SEPTIN8: variants seen among roughly 807,000 people sequenced by gnomAD.
The protein encoded by SEPTIN8 is septin-8.
A neutral mutation model predicts 53.1 loss-of-function variants in SEPTIN8; 22 were observed. The observed-to-expected ratio is 0.41, with a 90% confidence interval of 0.30 to 0.59. SEPTIN8 has a LOEUF of 0.59. Among genes scored for constraint, SEPTIN8 ranks in the 20% least tolerant of loss-of-function variants. SEPTIN8 has a pLI of 0.24. For synonymous variants in SEPTIN8, 228 were observed against 248.4 expected (o/e 0.92, Z 0.77); for missense variants, 536 against 638.7 (o/e 0.84, Z 1.73).
In SEPTIN8 at chr5:132,773,476, C is replaced by G. The variant is rs964230909; in HGVS notation, c.30+3632G>C. On this transcript the variant is annotated intron_variant, in intron 1 of 9. Transcript: ENST00000378719. The surrounding 1 kb of genome is among the most constrained non-coding windows in gnomAD (Gnocchi z 4.2). ...ATATAATATATGCTTCCACCTAGCC[C>G]ATCCGAGGGCTCAAAACGCCAAGGT... 2.4e-4 allele frequency among the ~76,000 whole-genome samples: 36 copies of G among 152,322 alleles called. No homozygotes were observed. Among genetic ancestry groups the G allele is most frequent in the African/African-American group, 8.2e-4 (34 of 41,570 alleles).
chr5:132,761,486 C>T lies in SEPTIN8; in HGVS notation c.934G>A (p.Asp312Asn), dbSNP rs1230888844. ...AAGGGCTGGCTGTCACCATCGCTGT[C>T]CTGAAAGCCCATCTCCTCCAACTTG... ...RCKLEEMGFQ[D>N]SDGDSQPFSL... The change falls in exon 7 of 10, where the codon GAC becomes AAC. Residue 312 changes from aspartate to asparagine, a missense_variant. This residue lies in a region of SEPTIN8 where 395 missense variants were observed against 451.8 expected (regional missense o/e 0.87). Coordinates refer to ENST00000378719, the MANE Select transcript of SEPTIN8 (RefSeq NM_001098811.2). The surrounding 1 kb of genome is among the most constrained non-coding windows in gnomAD (Gnocchi z 5.8). The T allele has an allele frequency of 6.2e-7, 1 of 1,613,064 alleles. No individual in the cohort carries two copies. Among genetic ancestry groups the T allele is most frequent in the African/African-American group, 1.3e-5 (1 of 75,012 alleles).
chr5:132,765,488 A>G lies in SEPTIN8; in HGVS notation c.72T>C (p.His24=), dbSNP rs751167340. The stretch of plus-strand genomic sequence containing the variant: ...GGTCGGGGAGGCTGTCGAAACCCAC[A>G]TGGCCGCCCAGGGAGAGGCTCCGGG... ...PEPRSLSLGG[H]VGFDSLPDQL... Residue 24 remains histidine (H), a synonymous_variant, in exon 2 of 10, where the codon CAT becomes CAC. Transcript: ENST00000378719. 1.1e-5 allele frequency: 18 copies of G among 1,612,030 alleles called. No individual in the cohort carries two copies. The East Asian group carries it at 1.6e-4, about 14-fold the overall frequency.
In SEPTIN8 at chr5:132,768,107, C is replaced by T. The variant is rs566699210; in HGVS notation, c.31-2578G>A. ...CTGGGGGTTCTTGGGGTGGGTCTCA[C>T]ATAAACCACCTATCCACACACAGCA... On this transcript the variant is annotated intron_variant, in intron 1 of 9. Coordinates refer to ENST00000378719, the MANE Select transcript of SEPTIN8 (RefSeq NM_001098811.2). 1.8e-3 allele frequency among the ~76,000 whole-genome samples: 278 copies of T among 152,120 alleles called. 1 individual carries two copies. The highest frequency in any genetic ancestry group is 6.5e-3 in the African/African-American group (269 of 41,494).
rs1160568187 is a variant in SEPTIN8 at position 132,763,863 on chromosome 5, G to C, written c.377C>G (p.Ala126Gly). The part of the protein sequence containing the change: ...SYRPIVDYID[A>G]QFENYLQEEL... ...CTCCTGCAGATAATTTTCAAACTGC[G>C]CATCGATGTAGTCAACTATGGGCCT... The change falls in exon 4 of 10, where the codon GCG (alanine) becomes GGG (glycine). Residue 126 changes from alanine (A) to glycine (G), a missense_variant. Ala to Gly is a moderately conservative substitution (Grantham distance 60). This residue lies in a region of SEPTIN8 where 395 missense variants were observed against 451.8 expected (regional missense o/e 0.87). Transcript: ENST00000378719. The C allele has an allele frequency of 3.8e-6, 6 of 1,594,276 alleles. No homozygotes were observed. The highest frequency in any genetic ancestry group is 5.1e-6 in the Non-Finnish European group (6 of 1,169,734).
upstream of SEPTIN8, chr5:132,777,495 C>T (rs892313352): frequency 1.0e-6 from 1 of 969,130 alleles, no homozygotes. The surrounding 1 kb of genome is among the most constrained non-coding windows in gnomAD (Gnocchi z 4.1). Context: ...GGGCTGGTGC[C>T]CGGCGGGCCT....
rs1461849770 is a variant in SEPTIN8 at position 132,751,043 on chromosome 5, C to A, written c.*973G>T. 2 of 1,599,722 alleles carry A rather than the reference C, an allele frequency of 1.3e-6. No homozygotes were observed. Among genetic ancestry groups the A allele is most frequent in the Non-Finnish European group, 8.5e-7 (1 of 1,173,650 alleles). On this transcript the variant is annotated 3_prime_UTR_variant, in exon 10 of 10. Coordinates refer to ENST00000378719, the MANE Select transcript of SEPTIN8 (RefSeq NM_001098811.2). Reference sequence around the variant, plus strand: ...AGAGTCTACCCTAAACTCGTTTGTGCCTTTGGAACAGCTGTTTACAACATG... The same window carrying A: ...AGAGTCTACCCTAAACTCGTTTGTGACTTTGGAACAGCTGTTTACAACATG...
chr5:132,767,065 C>A (rs529906224), intron 1 of SEPTIN8, among the ~76,000 whole-genome samples: 9 of 152,304 alleles, frequency 5.9e-5, no homozygotes, highest in African/African-American at 2.2e-4. Context: ...CCTAAACCTG[C>A]TTTCTCCCAT....
Position 132,762,841 on chromosome 5 carries a change from A to C in SEPTIN8, c.535-196T>G, listed in dbSNP as rs147193221. ...CCTGTGGCCATTCTGATGAGTTTCA[A>C]CAATTGGCTGCAGTGCTTCTTACAG... On this transcript the variant is annotated intron_variant, in intron 4 of 9. Coordinates refer to ENST00000378719, the MANE Select transcript of SEPTIN8 (RefSeq NM_001098811.2). Among the ~76,000 whole-genome samples, 39 of 152,310 alleles carry C rather than the reference A, an allele frequency of 2.6e-4. No homozygotes were observed. The East Asian group carries it at 7.5e-3, about 29-fold the overall frequency.
rs1754780576 is a variant in SEPTIN8 at position 132,750,840 on chromosome 5, T to C, written c.*1176A>G. The C allele has an allele frequency of 2.5e-6, 4 of 1,612,142 alleles. No homozygotes were observed. The highest frequency in any genetic ancestry group is 3.4e-6 in the Non-Finnish European group (4 of 1,179,502). On this transcript the variant is annotated 3_prime_UTR_variant, in exon 10 of 10. Transcript: ENST00000378719. ...GACATGATGTAGGGCTTTGGCCTCT[T>C]TATTTTCTTTTTACAGTTTATTCCA...
At chr5:132,752,267 G>A (rs1754911262) in intron 9 of SEPTIN8, 86 bp from the exon 10 acceptor site, 1 of 1,482,166 alleles carries the variant, frequency 6.7e-7, no homozygotes, top group Non-Finnish European at 9.0e-7. Context: ...TGACCCCAAA[G>A]GGGTACCCTT....
chr5:132,761,342 T>C lies in SEPTIN8; in HGVS notation c.963-77A>G, dbSNP rs1581155485. 6.3e-7 allele frequency: 1 copy of C among 1,598,734 alleles called. No individual in the cohort carries two copies. Among genetic ancestry groups the C allele is most frequent in the African/African-American group, 1.3e-5 (1 of 74,554 alleles). On this transcript the variant is annotated intron_variant, in intron 7 of 9. Coordinates refer to ENST00000378719, the MANE Select transcript of SEPTIN8 (RefSeq NM_001098811.2). The surrounding 1 kb of genome is among the most constrained non-coding windows in gnomAD (Gnocchi z 5.8). Reference sequence around the variant, plus strand: ...ATAGGGCAGGGCAGAGCCAGAGAAGTAGAATCATGTGGGCACGAGGGGTAA... The same window carrying C: ...ATAGGGCAGGGCAGAGCCAGAGAAGCAGAATCATGTGGGCACGAGGGGTAA...
At chr5:132,766,659 A>G (rs1330443209) in intron 1 of SEPTIN8, among the ~76,000 whole-genome samples, 1 of 152,192 alleles carries the variant, frequency 6.6e-6, no homozygotes, top group African/African-American at 2.4e-5. Context: ...CAGCGGATTC[A>G]GAGTCTCTCC....
chr5:132,763,141 G>A (rs894587981), intron 4 of SEPTIN8, among the ~76,000 whole-genome samples: 1 of 152,180 alleles, frequency 6.6e-6, no homozygotes, highest in African/African-American at 2.4e-5. Flanking sequence ...CAAGGGATGT[G>A]GGGTCACATG....
chr5:132,768,468 A>G (rs1489396203), intron 1 of SEPTIN8, among the ~76,000 whole-genome samples: 1 of 152,192 alleles, frequency 6.6e-6, no homozygotes, highest in African/African-American at 2.4e-5. Flanking sequence ...TGGCATCGAC[A>G]TGTGATCTAA....
intron 1 of SEPTIN8, among the ~76,000 whole-genome samples, chr5:132,771,908 G>A (rs1163577032): frequency 6.6e-6 from 1 of 152,068 alleles, no homozygotes; most frequent in East Asian, 1.9e-4. Context: ...GCTGCTACCC[G>A]GGGCCAGGAA....
chr5:132,751,706 G>A lies in SEPTIN8; in HGVS notation c.*310C>T, dbSNP rs1220974702. The A allele has an allele frequency of 1.8e-6, 1 of 548,086 alleles. No individual in the cohort carries two copies. Among genetic ancestry groups the A allele is most frequent in the East Asian group, 3.0e-5 (1 of 32,888 alleles). The allele number at this position is 548,086 out of a possible 1,614,324, so 34.0% of individuals were successfully genotyped here. Reference sequence around the variant, plus strand: ...TTCTATTTTTCAGAATGGAAACATTGTCATCTAGGTACTTTCCGCTCATAA... The same window carrying A: ...TTCTATTTTTCAGAATGGAAACATTATCATCTAGGTACTTTCCGCTCATAA... On this transcript the variant is annotated 3_prime_UTR_variant, in exon 10 of 10. Coordinates refer to ENST00000378719, the MANE Select transcript of SEPTIN8 (RefSeq NM_001098811.2).
At chr5:132,779,034 C>A (rs750585563), upstream of SEPTIN8, among the ~76,000 whole-genome samples, 12 of 152,208 alleles carry the variant, frequency 7.9e-5, no homozygotes, top group Non-Finnish European at 1.5e-4. Flanking sequence ...GTACTTCTTA[C>A]AGTCCTGGCC....
Position 132,760,877 on chromosome 5 carries a change from G to T in SEPTIN8, c.1211C>A (p.Ala404Glu), listed in dbSNP as rs151058061. 505 of 1,612,640 alleles carry T rather than the reference G, an allele frequency of 3.1e-4. No individual in the cohort carries two copies. Among genetic ancestry groups the T allele is most frequent in the Non-Finnish European group, 4.1e-4 (484 of 1,179,670 alleles). ...GGCCTGCGACTGCAGGGCCTCCACC[G>T]CAGCCTTCCGGCGATTGAAGGCGTT... Reference protein sequence around the residue: ...ETNAFNRRKAAVEALQSQALH... With the variant: ...ETNAFNRRKAEVEALQSQALH... The change falls in exon 9 of 10, where the codon GCG (alanine) becomes GAG (glutamate). Residue 404 changes from alanine to glutamate, a missense_variant. Ala to Glu is a moderately radical substitution (Grantham distance 107, BLOSUM62 -1). Coordinates refer to ENST00000378719, the MANE Select transcript of SEPTIN8 (RefSeq NM_001098811.2). The surrounding 1 kb of genome is among the most constrained non-coding windows in gnomAD (Gnocchi z 5.2).
Position 132,760,761 on chromosome 5 carries a change from A to G in SEPTIN8, c.1286+41T>C, listed in dbSNP as rs560353674. On this transcript the variant is annotated intron_variant, in intron 9 of 9. Transcript: ENST00000378719. The surrounding 1 kb of genome is among the most constrained non-coding windows in gnomAD (Gnocchi z 5.2). ...GACAAGAACGAAAGCAAGAGCCCAC[A>G]GGAGCAAGAGGAGCCAGCGCAGGCG... 59 of 1,578,404 alleles carry G rather than the reference A, an allele frequency of 3.7e-5. No individual in the cohort carries two copies. The highest frequency in any genetic ancestry group is 3.4e-4 in the Middle Eastern group (2 of 5,940).
Sources: allele counts gnomAD v4.1 joint callset (sites outside exome capture counted in the v4.1 genomes callset), GRCh38; gene constraint gnomAD v4.1.1; regional missense constraint gnomAD v4.1.1; non-coding constraint Gnocchi (gnomAD v3.1); transcripts MANE v1.5; gene names NCBI Gene and HGNC (gene_info 2026-07-23, HGNC 2026-07-21).